The following CCSER1 variants were observed in gnomAD, a reference collection of about 807,000 sequenced individuals.
CCSER1 encodes coiled-coil serine rich protein 1.
A neutral mutation model predicts 82.0 loss-of-function variants in CCSER1; 41 were observed. That is an observed-to-expected ratio of 0.50 (90% confidence interval 0.39 to 0.65). The LOEUF (loss-of-function observed/expected upper bound fraction) is 0.65. CCSER1 is among the 30% of genes least tolerant of loss of function. The pLI is 0.00. For missense variants in CCSER1, 1,119 were observed against 1,064.2 expected (o/e 1.05, Z -0.72); for synonymous variants, 414 against 383.9 (o/e 1.08, Z -0.92).
intron 9 of CCSER1, among the ~76,000 whole-genome samples, chr4:90,972,879 G>A (rs372154607): frequency 1.3e-5 from 2 of 151,746 alleles, no homozygotes; most frequent in Non-Finnish European, 2.9e-5. Flanking sequence ...ACTGATCTTT[G>A]ACAAAAGTCC....
rs757350305 is a variant in CCSER1, at chr4:91,275,297, GTTTT to G, written c.2217+189309_2217+189312del. Among the ~76,000 whole-genome samples, 212 of 145,768 alleles carry G rather than the reference GTTTT, an allele frequency of 1.5e-3. 1 individual carries two copies. The highest frequency in any genetic ancestry group is 4.9e-3 in the African/African-American group (192 of 39,014). ...TTTCTTTGCATCCTTGCCAGCATCT[GTTTT>G]TTTTTGTTTGTTTTTGTTTTTTGTT... On this transcript the variant is annotated intron_variant, in intron 10 of 10. Coordinates refer to ENST00000509176, the MANE Select transcript of CCSER1 (RefSeq NM_001145065.2).
At chr4:91,440,783 G>C (rs1408116319) in intron 10 of CCSER1, among the ~76,000 whole-genome samples, 1 of 151,924 alleles carries the variant, frequency 6.6e-6, no homozygotes, top group Admixed American at 6.6e-5. Context: ...AATGATAAAG[G>C]GCATATCACC....
intron 10 of CCSER1, among the ~76,000 whole-genome samples, chr4:91,128,213 C>CT (rs934892124): frequency 6.6e-6 from 1 of 152,008 alleles, no homozygotes; most frequent in African/African-American, 2.4e-5. Flanking sequence ...GTTTCTGCCT[C>CT]TAACTCCTCT....
intron 1 of CCSER1, among the ~76,000 whole-genome samples, chr4:90,203,952 G>C (rs1198171817): frequency 6.6e-6 from 1 of 152,132 alleles, no homozygotes; most frequent in Admixed American, 6.5e-5. Flanking sequence ...GGGATTATGA[G>C]CTTTTTTTCC....
chr4:90,230,267 C>G (rs1242721511), intron 1 of CCSER1, among the ~76,000 whole-genome samples: 1 of 152,142 alleles, frequency 6.6e-6, no homozygotes, highest in Non-Finnish European at 1.5e-5. Context: ...TTATAACAAA[C>G]TGTCTCTCAG....
At chr4:90,153,828 A>T (rs1055233168) in intron 1 of CCSER1, among the ~76,000 whole-genome samples, 1 of 152,054 alleles carries the variant, frequency 6.6e-6, no homozygotes, top group South Asian at 2.1e-4. Flanking sequence ...CCCATTTTGT[A>T]GGTTGCCTAT....
At chr4:90,753,044 C>T (rs1748940316) in intron 7 of CCSER1, among the ~76,000 whole-genome samples, 1 of 152,040 alleles carries the variant, frequency 6.6e-6, no homozygotes. Flanking sequence ...ACAAGAGAAA[C>T]ATAGTGTATT....
At chr4:90,227,158 G>A (rs559707899) in intron 1 of CCSER1, among the ~76,000 whole-genome samples, 16 of 152,160 alleles carry the variant, frequency 1.1e-4, no homozygotes, top group Non-Finnish European at 2.1e-4. Flanking sequence ...CTCTGGCTCA[G>A]CATCTGCTTC....
At chr4:91,370,761 A>T (rs1553929330) in intron 10 of CCSER1, among the ~76,000 whole-genome samples, 1 of 152,168 alleles carries the variant, frequency 6.6e-6, no homozygotes, top group Non-Finnish European at 1.5e-5. Flanking sequence ...TATGCGGCAC[A>T]TGAGATATTT....
chr4:90,449,514 G>T (rs988974498), intron 4 of CCSER1, among the ~76,000 whole-genome samples: 2 of 152,178 alleles, frequency 1.3e-5, no homozygotes, highest in Non-Finnish European at 2.9e-5. Context: ...TGACGCTCAT[G>T]GTGCCCAGGC....
At chr4:91,443,757 T>C (rs1396950874) in intron 10 of CCSER1, among the ~76,000 whole-genome samples, 1 of 148,702 alleles carries the variant, frequency 6.7e-6, no homozygotes, top group South Asian at 2.1e-4. Flanking sequence ...ATGTATTATA[T>C]AATATATATA....
At chr4:90,520,728 G>A (rs990026792) in intron 5 of CCSER1, among the ~76,000 whole-genome samples, 1 of 152,066 alleles carries the variant, frequency 6.6e-6, no homozygotes, top group African/African-American at 2.4e-5. Flanking sequence ...AAACAATTGT[G>A]CGCAAAGGAA....
intron 3 of CCSER1, among the ~76,000 whole-genome samples, chr4:90,351,078 A>G (rs1410507520): frequency 6.6e-6 from 1 of 152,214 alleles, no homozygotes; most frequent in Non-Finnish European, 1.5e-5. Context: ...CACTAGCCCT[A>G]TCAGATATTA....
At chr4:90,193,935 C>G (rs1736125001) in intron 1 of CCSER1, among the ~76,000 whole-genome samples, 1 of 151,940 alleles carries the variant, frequency 6.6e-6, no homozygotes, top group Non-Finnish European at 1.5e-5. Context: ...ATTTGGTGGG[C>G]AAGATGGTCA....
At chr4:91,296,457 ATATATATATG>A (rs60439593) in intron 10 of CCSER1, among the ~76,000 whole-genome samples, 24,092 of 112,308 alleles carry the variant, frequency 0.21, 2,641 homozygotes, top group African/African-American at 0.25. Flanking sequence ...CATTATATAT[ATATATATATG>A]TATATATATA....
chr4:91,180,427 G>A (rs551408292), intron 10 of CCSER1, among the ~76,000 whole-genome samples: 1 of 152,352 alleles, frequency 6.6e-6, no homozygotes, highest in Non-Finnish European at 1.5e-5. Flanking sequence ...ACAGAGGCAG[G>A]CAGGCCTTCT....
intron 7 of CCSER1, among the ~76,000 whole-genome samples, chr4:90,748,799 A>AT (rs1208110946): frequency 6.7e-6 from 1 of 149,622 alleles, no homozygotes; most frequent in African/African-American, 2.5e-5. Flanking sequence ...GATGATGAGC[A>AT]TTTTTTCATG....
chr4:91,587,603 T>TA (rs1005022946), intron 10 of CCSER1, among the ~76,000 whole-genome samples: 12 of 151,812 alleles, frequency 7.9e-5, no homozygotes, highest in African/African-American at 2.9e-4. Flanking sequence ...GTAACAGATA[T>TA]AATTTCTGCA....
At chr4:90,434,268 A>T (rs1249437433) in intron 4 of CCSER1, among the ~76,000 whole-genome samples, 3 of 152,120 alleles carry the variant, frequency 2.0e-5, no homozygotes, top group Non-Finnish European at 4.4e-5. Flanking sequence ...CAGATGAAAA[A>T]TGTATTGTAA....
Sources: allele counts gnomAD v4.1 joint callset (sites outside exome capture counted in the v4.1 genomes callset), GRCh38; gene constraint gnomAD v4.1.1; transcripts MANE v1.5; gene names NCBI Gene and HGNC (gene_info 2026-07-23, HGNC 2026-07-21).